CLVS1: variants seen among roughly 807,000 people sequenced by gnomAD.
The protein encoded by CLVS1 is clavesin 1.
CLVS1 carries 10 observed loss-of-function variants against 33.1 expected under a neutral mutation model. The ratio of observed to expected loss-of-function variants is 0.30; its 90% confidence interval spans 0.19 to 0.51. The LOEUF is 0.51. Ranked by LOEUF, CLVS1 falls within the 20% of genes least tolerant of loss-of-function variation. The pLI, the probability that CLVS1 is intolerant of heterozygous loss-of-function variation, is 0.97. For synonymous variants in CLVS1, 163 were observed against 166.1 expected, an observed-to-expected ratio of 0.98 and a Z score of 0.14; for missense variants, 343 against 433.4, an observed-to-expected ratio of 0.79 and a Z score of 1.85.
the CLVS1 span, among the ~76,000 whole-genome samples, chr8:60,974,269 G>C: frequency 4.6e-5 from 7 of 152,270 alleles, no homozygotes; most frequent in South Asian, 1.4e-3. Context: ...CCCTCCCGGA[G>C]GCCAGCAGCT....
chr8:61,363,713 A>T (rs981884579), intron 2 of CLVS1, among the ~76,000 whole-genome samples: 4 of 152,160 alleles, frequency 2.6e-5, no homozygotes, highest in African/African-American at 4.8e-5. Context: ...TTCTTTTGTG[A>T]ACTTATTAAA....
At chr8:61,299,423 G>A (rs565219399) in intron 1 of CLVS1, among the ~76,000 whole-genome samples, 9 of 152,210 alleles carry the variant, frequency 5.9e-5, no homozygotes, top group South Asian at 4.1e-4. Flanking sequence ...GCACTATTAC[G>A]TTAACTAGTC....
intron 2 of CLVS1, among the ~76,000 whole-genome samples, chr8:61,191,836 T>G (rs1480929151): frequency 6.6e-6 from 1 of 152,146 alleles, no homozygotes; most frequent in Non-Finnish European, 1.5e-5. Context: ...GAAGGACCTC[T>G]TCAAGGAGAA....
At chr8:60,982,264 A>G in the CLVS1 span, among the ~76,000 whole-genome samples, 8 of 152,326 alleles carry the variant, frequency 5.3e-5, no homozygotes, top group African/African-American at 1.9e-4. Flanking sequence ...GGCTTTCTGA[A>G]CACTAATAGA....
intron 2 of CLVS1, among the ~76,000 whole-genome samples, chr8:61,242,091 T>G (rs1037068439): frequency 1.3e-5 from 2 of 152,118 alleles, no homozygotes; most frequent in Non-Finnish European, 2.9e-5. Flanking sequence ...CCATCTTGAG[T>G]TTTTAGCAGT....
chr8:61,354,476 G>A (rs929685695), intron 2 of CLVS1, among the ~76,000 whole-genome samples: 4 of 151,750 alleles, frequency 2.6e-5, no homozygotes, highest in African/African-American at 9.7e-5. Context: ...TTACACTCTC[G>A]GGCATTTATC....
Position 61,210,790 on chromosome 8 carries a change from C to T in CLVS1, c.-152+78930C>T, listed in dbSNP as rs80202761. Among the ~76,000 whole-genome samples the T allele has an allele frequency of 3.2e-3, 484 of 152,296 alleles. 2 individuals carry two copies. Among genetic ancestry groups the T allele is most frequent in the African/African-American group, 0.011 (450 of 41,550 alleles). On this transcript the variant is annotated intron_variant, in intron 2 of 2. Coordinates refer to the CLVS1 transcript ENST00000522621. ...TATTTGTTCACAGCATAGAAAACTA[C>T]TACAGGTAACACTAGGACTGGATGT... is the stretch of plus-strand genomic sequence containing the variant.
the CLVS1 span, among the ~76,000 whole-genome samples, chr8:60,974,770 C>A: frequency 6.7e-6 from 1 of 149,346 alleles, no homozygotes; most frequent in Admixed American, 6.7e-5. Flanking sequence ...TAGAGCAAGA[C>A]TCCATCTCAA....
chr8:61,463,938 C>T (rs749585342), intron 5 of CLVS1, among the ~76,000 whole-genome samples: 8 of 151,674 alleles, frequency 5.3e-5, no homozygotes, highest in African/African-American at 1.7e-4. Flanking sequence ...CCAGGTTTTG[C>T]GGTGGGTGCC....
intron 2 of CLVS1, among the ~76,000 whole-genome samples, chr8:61,254,591 T>C (rs1809032435): frequency 6.6e-6 from 1 of 152,166 alleles, no homozygotes; most frequent in African/African-American, 2.4e-5. Flanking sequence ...CCCAGCCACT[T>C]TGTTTACCTA....
At chr8:61,313,972 G>A (rs762114695) in intron 2 of CLVS1, among the ~76,000 whole-genome samples, 10 of 152,108 alleles carry the variant, frequency 6.6e-5, no homozygotes, top group Admixed American at 6.5e-4. Flanking sequence ...CTTGAGCTCC[G>A]GGTGCCAACT....
chr8:61,220,125 G>GATA (rs1246165260), intron 2 of CLVS1, among the ~76,000 whole-genome samples: 2 of 152,136 alleles, frequency 1.3e-5, no homozygotes, highest in Non-Finnish European at 2.9e-5. Context: ...TCACTCTGAT[G>GATA]ATAATTTCTT....
intron 2 of CLVS1, among the ~76,000 whole-genome samples, chr8:61,372,431 GT>G (rs1159098167): frequency 6.6e-6 from 1 of 152,062 alleles, no homozygotes; most frequent in Non-Finnish European, 1.5e-5. Flanking sequence ...TTACAACAAT[GT>G]TAGATTTACA....
intron 1 of CLVS1, among the ~76,000 whole-genome samples, chr8:61,069,709 C>T (rs1804755418): frequency 1.3e-5 from 2 of 152,226 alleles, no homozygotes; most frequent in African/African-American, 2.4e-5. Context: ...TCTGTTCCTT[C>T]TGCCAGTGTT....
chr8:61,438,462 T>C (rs1816425754), intron 3 of CLVS1, among the ~76,000 whole-genome samples: 1 of 152,244 alleles, frequency 6.6e-6, no homozygotes, highest in Non-Finnish European at 1.5e-5. Flanking sequence ...ATGTCTTTGC[T>C]ATTGTGAATA....
chr8:61,144,500 T>C (rs1806376503), intron 2 of CLVS1, among the ~76,000 whole-genome samples: 1 of 152,188 alleles, frequency 6.6e-6, no homozygotes, highest in Non-Finnish European at 1.5e-5. Flanking sequence ...ACTTTGTGAA[T>C]AGTGCTGCAA....
At chr8:61,265,432 T>C (rs535471922) in intron 2 of CLVS1, among the ~76,000 whole-genome samples, 1 of 152,362 alleles carries the variant, frequency 6.6e-6, no homozygotes, top group Admixed American at 6.5e-5. Flanking sequence ...CCATTTTTAA[T>C]CTGTAAAGTG....
chr8:61,228,419 G>A (rs889283487), intron 2 of CLVS1, among the ~76,000 whole-genome samples: 1 of 152,138 alleles, frequency 6.6e-6, no homozygotes, highest in Admixed American at 6.5e-5. Context: ...CCCCTCATAA[G>A]CTGAATATGT....
rs550183047 is a variant in CLVS1 at position 61,297,352 on chromosome 8, G to A, written c.-151-2325G>A. On this transcript the variant is annotated intron_variant, in intron 1 of 5. Coordinates refer to ENST00000325897, the MANE Select transcript of CLVS1 (RefSeq NM_173519.3). ...TGTCACAGGACTAAACAGATGAGTA[G>A]TGATGCAGTCTAAACAAAGACGGTG... Among the ~76,000 whole-genome samples the A allele has an allele frequency of 1.2e-4, 18 of 152,284 alleles. No individual in the cohort carries two copies. The East Asian group carries it at 3.3e-3, about 28-fold the overall frequency.
Sources: gnomAD v4.1 joint callset for allele counts (sites outside exome capture counted in the v4.1 genomes callset) on GRCh38, gnomAD v4.1.1 for gene constraint, MANE v1.5 for transcripts, NCBI Gene and HGNC (gene_info 2026-07-23, HGNC 2026-07-21) for gene names.